The following SPTLC3 variants were observed in gnomAD, a reference collection of about 807,000 sequenced individuals.
SPTLC3 encodes the protein serine palmitoyltransferase 3.
SPTLC3 carries 36 observed loss-of-function variants against 59.3 expected under a neutral mutation model. The ratio of observed to expected loss-of-function variants is 0.61; its 90% confidence interval spans 0.47 to 0.80. SPTLC3 has a LOEUF of 0.80. Ranked by LOEUF, SPTLC3 falls within the 30% of genes least tolerant of loss-of-function variation. SPTLC3 has a pLI of 0.00. For synonymous variants in SPTLC3, 257 were observed against 240.8 expected, an observed-to-expected ratio of 1.07 and a Z score of -0.62; for missense variants, 625 against 685.1, an observed-to-expected ratio of 0.91 and a Z score of 0.98.
chr20:13,022,117 C>T (rs1040571087), intron 1 of SPTLC3, among the ~76,000 whole-genome samples: 8 of 152,172 alleles, frequency 5.3e-5, no homozygotes, highest in African/African-American at 1.9e-4. Context: ...ACAGTCTTCC[C>T]CATCTCAATA....
intron 1 of SPTLC3, among the ~76,000 whole-genome samples, chr20:13,033,431 C>T (rs148065375): frequency 6.6e-6 from 1 of 152,258 alleles, no homozygotes; most frequent in Non-Finnish European, 1.5e-5. Flanking sequence ...TGTGTAGCTT[C>T]CAAGGTCATC....
chr20:13,126,672 A>C lies in SPTLC3; in HGVS notation c.1234A>C (p.Ile412Leu). 6.2e-7 allele frequency: 1 copy of C among 1,614,088 alleles called. No individual in the cohort carries two copies. Among genetic ancestry groups the C allele is most frequent in the Non-Finnish European group, 8.5e-7 (1 of 1,179,956 alleles). ...GAGCCCACCGATAGCAGAGCAAATC[A>C]TCAGATCACTAAAACTTATCATGGG... ...SMSPPIAEQI[I>L]RSLKLIMGLD... The change falls in exon 9 of 12, where the codon ATC becomes CTC. Residue 412 changes from isoleucine (I) to leucine (L), a missense_variant. Coordinates refer to ENST00000399002, the MANE Select transcript of SPTLC3 (RefSeq NM_018327.4).
At position 13,160,086 on chromosome 20, in the gene SPTLC3, C is replaced by T. The variant is rs765172381; in HGVS notation, c.1499C>T (p.Ala500Val). Residue 500 changes from alanine to valine, a missense_variant, in exon 11 of 12, where the codon GCT (alanine) becomes GTT (valine). By Grantham distance (64) the Ala-to-Val change is moderately conservative. Coordinates refer to ENST00000399002, the MANE Select transcript of SPTLC3 (RefSeq NM_018327.4). ...GCCACTCCCCTCGCAGAAGCTCGGGCTCGGTTTTGTGTTTCAGCGGCACAT... is the reference window on the plus strand; with the variant it reads ...GCCACTCCCCTCGCAGAAGCTCGGGTTCGGTTTTGTGTTTCAGCGGCACAT... ...FPATPLAEARARFCVSAAHTR... is the reference protein window; with the variant it reads ...FPATPLAEARVRFCVSAAHTR... The T allele has an allele frequency of 3.7e-6, 6 of 1,613,732 alleles. No homozygotes were observed. Among genetic ancestry groups the T allele is most frequent in the Non-Finnish European group, 5.1e-6 (6 of 1,179,940 alleles).
intron 9 of SPTLC3, among the ~76,000 whole-genome samples, chr20:13,145,100 A>AT (rs2038479246): frequency 6.6e-6 from 1 of 152,134 alleles, no homozygotes; most frequent in South Asian, 2.1e-4. Flanking sequence ...TGAAAAAAAA[A>AT]TTCTAGAAAC....
intron 1 of SPTLC3, among the ~76,000 whole-genome samples, chr20:13,041,021 CTT>C (rs542284869): frequency 4.3e-4 from 66 of 152,126 alleles, no homozygotes; most frequent in African/African-American, 1.5e-3. Context: ...AAGATTTTCT[CTT>C]TGTCTCTTAA....
intron 1 of SPTLC3, among the ~76,000 whole-genome samples, chr20:13,021,091 C>T (rs1256148403): frequency 6.6e-6 from 1 of 152,156 alleles, no homozygotes; most frequent in Non-Finnish European, 1.5e-5. Context: ...CTTCATTTTA[C>T]TTGACCTGTC....
chr20:13,066,768 CCCT>C (rs1425445958), intron 2 of SPTLC3, among the ~76,000 whole-genome samples: 2 of 151,802 alleles, frequency 1.3e-5, no homozygotes, highest in African/African-American at 4.8e-5. Flanking sequence ...TGCCTTCTTT[CCCT>C]CCTCCTTCTC....
chr20:13,024,275 T>A (rs561380356), intron 1 of SPTLC3, among the ~76,000 whole-genome samples: 1 of 152,304 alleles, frequency 6.6e-6, no homozygotes, highest in South Asian at 2.1e-4. Flanking sequence ...TGCCCTTTCC[T>A]CCACCATTTT....
At chr20:13,052,845 C>T (rs1317760785) in intron 2 of SPTLC3, among the ~76,000 whole-genome samples, 2 of 152,186 alleles carry the variant, frequency 1.3e-5, no homozygotes, top group Non-Finnish European at 2.9e-5. Flanking sequence ...ACTCTAGATT[C>T]CTCCTCTCTG....
intron 9 of SPTLC3, among the ~76,000 whole-genome samples, chr20:13,152,309 T>A (rs575975488): frequency 6.6e-6 from 1 of 152,352 alleles, no homozygotes; most frequent in Admixed American, 6.5e-5. Context: ...GGGTGAGCTA[T>A]AATTATTGTC....
intron 1 of SPTLC3, among the ~76,000 whole-genome samples, chr20:13,046,710 GC>G (rs1987249754): frequency 6.6e-6 from 1 of 152,160 alleles, no homozygotes; most frequent in South Asian, 2.1e-4. Context: ...AAATAGCATA[GC>G]AAGATCAGCC....
Position 13,158,530 on chromosome 20 carries a change from A to G in SPTLC3, c.1416-1473A>G, listed in dbSNP as rs1236797525. 2.0e-5 allele frequency among the ~76,000 whole-genome samples: 3 copies of G among 152,214 alleles called. No individual in the cohort carries two copies. In the East Asian group the frequency reaches 5.8e-4, roughly 29 times the overall value. ...TCATGGGTCAGGTGGTTTGTACTCT[A>G]GCAATAAAAGCACTTGACTTGTTTC... On this transcript the variant is annotated intron_variant, in intron 10 of 11. Coordinates refer to ENST00000399002, the MANE Select transcript of SPTLC3 (RefSeq NM_018327.4).
intron 5 of SPTLC3, among the ~76,000 whole-genome samples, chr20:13,092,352 C>A (rs945019880): frequency 2.0e-5 from 3 of 152,208 alleles, no homozygotes; most frequent in Non-Finnish European, 4.4e-5. Flanking sequence ...TGCAAGTAAG[C>A]AAGTACATTA....
At chr20:13,114,042 G>T (rs577990552) in intron 7 of SPTLC3, among the ~76,000 whole-genome samples, 3 of 152,288 alleles carry the variant, frequency 2.0e-5, no homozygotes, top group Admixed American at 6.5e-5. Flanking sequence ...AGGCAGAGCG[G>T]GGATTAAAAC....
At chr20:13,126,472 T>C in intron 8 of SPTLC3, 119 bp from the exon 9 acceptor site, 1 of 1,221,872 alleles carries the variant, frequency 8.2e-7, no homozygotes, top group Non-Finnish European at 1.1e-6. Flanking sequence ...CCCATTCATC[T>C]TTTGAGCATG....
intron 6 of SPTLC3, among the ~76,000 whole-genome samples, chr20:13,102,892 C>G (rs1423986661): frequency 6.6e-6 from 1 of 152,136 alleles, no homozygotes; most frequent in Non-Finnish European, 1.5e-5. Context: ...CCTACAGAGT[C>G]AAAAGTTGCT....
At chr20:13,160,833 T>C (rs887433406) in intron 11 of SPTLC3, among the ~76,000 whole-genome samples, 1 of 152,178 alleles carries the variant, frequency 6.6e-6, no homozygotes, top group Non-Finnish European at 1.5e-5. Context: ...AGAAGAAATA[T>C]AGAAAACTGT....
chr20:13,074,311 G>A (rs867547033), intron 3 of SPTLC3, 38 bp from the exon 4 acceptor site: 13 of 1,607,862 alleles, frequency 8.1e-6, no homozygotes, highest in African/African-American at 2.7e-5. Flanking sequence ...ATAATCCTGG[G>A]GAGGGGATTA....
At chr20:13,148,441 T>C (rs1199231641) in intron 9 of SPTLC3, among the ~76,000 whole-genome samples, 5 of 152,134 alleles carry the variant, frequency 3.3e-5, no homozygotes, top group African/African-American at 1.2e-4. Flanking sequence ...ACAGGGAGGT[T>C]GATCTTAAGA....
Sources: allele counts gnomAD v4.1 joint callset (sites outside exome capture counted in the v4.1 genomes callset), GRCh38; gene constraint gnomAD v4.1.1; transcripts MANE v1.5; gene names NCBI Gene and HGNC (gene_info 2026-07-23, HGNC 2026-07-21).